Variants in CDCP1 observed in about 807,000 individuals in gnomAD.
CDCP1 encodes CUB domain containing protein 1, also known as CUB domain-containing protein 1.
In CDCP1, 29 loss-of-function variants were observed where a neutral mutation model predicts 60.2. The ratio of observed to expected loss-of-function variants is 0.48; its 90% CI spans 0.36 to 0.66. CDCP1 has a LOEUF of 0.66. CDCP1 is among the 30% of genes least tolerant of loss of function. The probability of loss-of-function intolerance (pLI) is 0.00; values close to 1 mark genes in which losing one functional copy is unlikely to be tolerated. For synonymous variants in CDCP1, 387 were observed against 431.1 expected, an observed-to-expected ratio of 0.90 and a Z score of 1.27; for missense variants, 876 against 1,074.3, an observed-to-expected ratio of 0.82 and a Z score of 2.58.
intron 2 of CDCP1, 47 bp from the exon 3 acceptor site, chr3:45,112,492 C>T: frequency 1.5e-5 from 24 of 1,578,512 alleles, no homozygotes; most frequent in Non-Finnish European, 1.8e-5. Flanking sequence ...TGCTCCAAGG[C>T]CCCACACCAC....
At chr3:45,087,977 G>A (rs897979390) in intron 8 of CDCP1, among the ~76,000 whole-genome samples, 1 of 151,646 alleles carries the variant, frequency 6.6e-6, no homozygotes, top group African/African-American at 2.4e-5. Flanking sequence ...AGCCGAGATC[G>A]CGCCACTGCA....
chr3:45,088,396 G>GA (rs1338846200), intron 8 of CDCP1, among the ~76,000 whole-genome samples: 1 of 152,172 alleles, frequency 6.6e-6, no homozygotes, highest in Non-Finnish European at 1.5e-5. Context: ...TGAGGAAGGA[G>GA]AATCACTTCA....
intron 1 of CDCP1, among the ~76,000 whole-genome samples, chr3:45,130,478 G>A (rs933608833): frequency 1.3e-5 from 2 of 152,092 alleles, no homozygotes; most frequent in Non-Finnish European, 2.9e-5. Flanking sequence ...AACTTTCTTG[G>A]ATGCTGAGAA....
intron 1 of CDCP1, among the ~76,000 whole-genome samples, chr3:45,133,804 A>G (rs1224392926): frequency 1.3e-5 from 2 of 151,340 alleles, no homozygotes; most frequent in East Asian, 3.9e-4. Context: ...TTGGCCTGTA[A>G]TCTTGCCTCT....
rs114505150 is a variant in CDCP1 at position 45,119,500 on chromosome 3, G to A, written c.83-879C>T. 8.5e-5 allele frequency among the ~76,000 whole-genome samples: 13 copies of A among 152,302 alleles called. No individual in the cohort carries two copies. In the South Asian group the frequency reaches 1.9e-3, roughly 22 times the overall value. On this transcript the variant is annotated intron_variant, in intron 1 of 8. Coordinates refer to ENST00000296129, the MANE Select transcript of CDCP1 (RefSeq NM_022842.5). ...GGGAACAGCAGATGATGGGAAGATC[G>A]TCTGTAGGTAAATCCTGTGGAGGGA...
At chr3:45,144,033 A>G (rs963714095) in intron 1 of CDCP1, among the ~76,000 whole-genome samples, 4 of 152,220 alleles carry the variant, frequency 2.6e-5, no homozygotes, top group Non-Finnish European at 4.4e-5. Context: ...AGACTCTGGT[A>G]TCTGAGTGGT....
At chr3:45,136,943 C>T (rs185985937) in intron 1 of CDCP1, among the ~76,000 whole-genome samples, 1 of 152,254 alleles carries the variant, frequency 6.6e-6, no homozygotes, top group Non-Finnish European at 1.5e-5. Flanking sequence ...TTATACCATG[C>T]ATTTGACAGG....
intron 4 of CDCP1, among the ~76,000 whole-genome samples, chr3:45,100,171 G>A (rs1698466847): frequency 1.3e-5 from 2 of 152,166 alleles, no homozygotes; most frequent in Non-Finnish European, 2.9e-5. Context: ...TTGGTCAGAT[G>A]CCCCCAGAGA....
At chr3:45,088,145 C>T (rs943796345) in intron 8 of CDCP1, among the ~76,000 whole-genome samples, 1 of 152,182 alleles carries the variant, frequency 6.6e-6, no homozygotes, top group African/African-American at 2.4e-5. Context: ...AGTTTGGCGG[C>T]AGCACGGACT....
At chr3:45,095,595 T>G (rs2037358) in intron 4 of CDCP1, 27 bp from the exon 5 acceptor site, 784,793 of 1,603,304 alleles carry the variant, frequency 0.49, 200,882 homozygotes, top group East Asian at 0.79. Context: ...AAAACAGGCA[T>G]GAAGCATGGA....
At chr3:45,130,582 G>A (rs1286708854) in intron 1 of CDCP1, among the ~76,000 whole-genome samples, 10 of 152,320 alleles carry the variant, frequency 6.6e-5, no homozygotes, top group Admixed American at 5.9e-4. Flanking sequence ...CTCATCCACA[G>A]ATGGTTCAGT....
Position 45,091,517 on chromosome 3 carries a change from G to T in CDCP1, c.1649C>A (p.Thr550Asn). Residue 550 changes from threonine to asparagine, a missense_variant, in exon 7 of 9, where the codon ACC becomes AAC. By Grantham distance (65) the Thr-to-Asn change is moderately conservative. Coordinates refer to ENST00000296129, the MANE Select transcript of CDCP1 (RefSeq NM_022842.5). The surrounding 1 kb of genome is among the most constrained non-coding windows in gnomAD (Gnocchi z 4.8). ...YFKEEGVFTV[T>N]PDTKSKVYLR... is the part of the protein sequence containing the mutation. ...GTAGACCTTGCTTTTTGTGTCAGGG[G>T]TCACCGTGAAAACGCCTTCCTCTGC... The T allele has an allele frequency of 6.2e-7, 1 of 1,604,696 alleles. No individual in the cohort carries two copies. Among genetic ancestry groups the T allele is most frequent in the Non-Finnish European group, 8.5e-7 (1 of 1,175,676 alleles).
At chr3:45,120,179 G>C (rs1698859032) in intron 1 of CDCP1, among the ~76,000 whole-genome samples, 2 of 152,134 alleles carry the variant, frequency 1.3e-5, no homozygotes, top group Admixed American at 1.3e-4. Flanking sequence ...ATGTACTTCT[G>C]CCAGCTGCCA....
chr3:45,138,587 A>C (rs1699228809), intron 1 of CDCP1, among the ~76,000 whole-genome samples: 1 of 152,246 alleles, frequency 6.6e-6, no homozygotes, highest in Non-Finnish European at 1.5e-5. Context: ...TCATTCCTTT[A>C]ATCCCGGCAC....
At chr3:45,106,529 G>C (rs1458976827) in intron 4 of CDCP1, among the ~76,000 whole-genome samples, 1 of 152,216 alleles carries the variant, frequency 6.6e-6, no homozygotes, top group Non-Finnish European at 1.5e-5. Flanking sequence ...CCTGAGATTG[G>C]TGCAACACGG....
chr3:45,134,232 C>T (rs916552894), intron 1 of CDCP1, among the ~76,000 whole-genome samples: 3 of 151,976 alleles, frequency 2.0e-5, no homozygotes, highest in Non-Finnish European at 4.4e-5. Flanking sequence ...TCACATCATT[C>T]TCCTGCCTCA....
At chr3:45,122,617 T>C (rs1393282191) in intron 1 of CDCP1, among the ~76,000 whole-genome samples, 1 of 151,486 alleles carries the variant, frequency 6.6e-6, no homozygotes, top group African/African-American at 2.4e-5. Flanking sequence ...CACGCCTGGC[T>C]AATTTTTGTA....
At chr3:45,113,398 CAAG>C (rs1698732799) in intron 2 of CDCP1, among the ~76,000 whole-genome samples, 1 of 152,046 alleles carries the variant, frequency 6.6e-6, no homozygotes, top group South Asian at 2.1e-4. Flanking sequence ...AAAGAGAAAA[CAAG>C]AGGAAAGTGA....
chr3:45,117,597 CTTT>C (rs576166067), intron 2 of CDCP1, among the ~76,000 whole-genome samples: 1 of 139,904 alleles, frequency 7.1e-6, no homozygotes, highest in African/African-American at 2.6e-5. Flanking sequence ...TCCTCAACTT[CTTT>C]TTTTTTTTTT....
Sources: allele counts gnomAD v4.1 joint callset (sites outside exome capture counted in the v4.1 genomes callset), GRCh38; gene constraint gnomAD v4.1.1; non-coding constraint Gnocchi (gnomAD v3.1); transcripts MANE v1.5; gene names NCBI Gene and HGNC (gene_info 2026-07-23, HGNC 2026-07-21).